JADE1: variants seen among roughly 807,000 people sequenced by gnomAD.
The protein encoded by JADE1 is jade family PHD finger 1, also known as protein Jade-1.
JADE1 carries 14 observed loss-of-function variants against 81.8 expected under a neutral mutation model. The ratio of observed to expected loss-of-function variants is 0.17; its 90% CI spans 0.11 to 0.27. The LOEUF (loss-of-function observed/expected upper bound fraction) is 0.27, where lower values mean the gene tolerates loss of function less well. Ranked by LOEUF, JADE1 falls within the 10% of genes least tolerant of loss-of-function variation. The probability of loss-of-function intolerance (pLI) is 1.00; values close to 1 mark genes in which losing one functional copy is unlikely to be tolerated. For synonymous variants in JADE1, 353 were observed against 391.9 expected (o/e 0.90, Z 1.17); for missense variants, 690 against 1,047.9 (o/e 0.66, Z 4.71).
intron 8 of JADE1, 90 bp downstream of exon 8, chr4:128,857,544 T>C: frequency 9.9e-7 from 1 of 1,005,110 alleles, no homozygotes; most frequent in East Asian, 2.4e-5. Context: ...TCCAAGGGTT[T>C]GGAGAGGGGA....
chr4:128,864,135 G>T (rs1016999955), intron 9 of JADE1: 16 of 978,616 alleles, frequency 1.6e-5, no homozygotes, highest in Non-Finnish European at 1.8e-5. Flanking sequence ...GAACTTTAAA[G>T]AATTTGTATT....
rs139707052 is a variant in JADE1 at position 128,871,829 on chromosome 4, G to T, written c.2096G>T (p.Arg699Ile). 6.2e-6 allele frequency: 10 copies of T among 1,614,076 alleles called. No individual in the cohort carries two copies. The highest frequency in any genetic ancestry group is 7.6e-6 in the Non-Finnish European group (9 of 1,179,978). ...TCCCAGAGGCATCTGGACAACACAAGAGCTGCCACCTCCCCTGGAGTGGGG... is the reference window on the plus strand; with the variant it reads ...TCCCAGAGGCATCTGGACAACACAATAGCTGCCACCTCCCCTGGAGTGGGG... ...DVSQRHLDNT[R>I]AATSPGVGQS... Residue 699 changes from arginine to isoleucine, a missense_variant, in exon 11 of 11, where the codon AGA becomes ATA. Arg to Ile is a moderately conservative substitution (Grantham distance 97). Around this residue, in one of 8 missense-constraint regions of JADE1, gnomAD observed 218 missense variants for 274.3 expected, o/e 0.79. Coordinates refer to ENST00000226319, the MANE Select transcript of JADE1 (RefSeq NM_199320.4). The surrounding 1 kb of genome is among the most constrained non-coding windows in gnomAD (Gnocchi z 4.1).
chr4:128,842,896 A>G, intron 2 of JADE1, 57 bp from the exon 3 acceptor site: 1 of 1,487,572 alleles, frequency 6.7e-7, no homozygotes, highest in South Asian at 1.1e-5. Context: ...ACCCCTGAGA[A>G]CACTCAGTGA....
Position 128,843,016 on chromosome 4 carries a change from A to C in JADE1, c.116A>C (p.His39Pro), listed in dbSNP as rs141704909. 26 of 1,613,930 alleles carry C rather than the reference A, an allele frequency of 1.6e-5. No individual in the cohort carries two copies. Among genetic ancestry groups the C allele is most frequent in the Non-Finnish European group, 2.1e-5 (25 of 1,179,920 alleles). Residue 39 changes from histidine to proline, a missense_variant, in exon 3 of 11, where the codon CAT becomes CCT. Physicochemically the swap from His to Pro is moderately conservative, Grantham distance 77 (BLOSUM62 -2). Around this residue, in one of 8 missense-constraint regions of JADE1, gnomAD observed 59 missense variants for 52.8 expected, o/e 1.12. Transcript: ENST00000226319. ...SQHRRSSCSR[H>P]EDRKPSEVFR... Reference sequence around the variant, plus strand: ...CATAGGAGAAGCTCCTGCTCCAGACATGAAGATCGAAAGCCTTCAGAGGTA... The same window carrying C: ...CATAGGAGAAGCTCCTGCTCCAGACCTGAAGATCGAAAGCCTTCAGAGGTA...
intron 4 of JADE1, among the ~76,000 whole-genome samples, chr4:128,847,625 C>T (rs1348673265): frequency 6.6e-6 from 1 of 152,222 alleles, no homozygotes; most frequent in Non-Finnish European, 1.5e-5. Context: ...GTCCAGGAAT[C>T]ACTTGCTGAA....
intron 9 of JADE1, chr4:128,863,613 T>C (rs1177154837): frequency 3.0e-6 from 3 of 985,442 alleles, no homozygotes; most frequent in East Asian, 1.1e-4. Flanking sequence ...ATTCCGGCCC[T>C]GGAAGAGGCA....
chr4:128,844,869 T>A (rs1729735905), intron 3 of JADE1, among the ~76,000 whole-genome samples: 1 of 152,116 alleles, frequency 6.6e-6, no homozygotes, highest in Non-Finnish European at 1.5e-5. Context: ...TGCCTCAGAC[T>A]TTATTATGGG....
intron 6 of JADE1, among the ~76,000 whole-genome samples, chr4:128,852,751 A>T (rs1415778315): frequency 2.6e-5 from 4 of 152,168 alleles, no homozygotes; most frequent in Non-Finnish European, 4.4e-5. Flanking sequence ...AAAAGTCCAG[A>T]ATTGAGGTGG....
chr4:128,847,613 C>T (rs1285238983), intron 4 of JADE1, among the ~76,000 whole-genome samples: 1 of 152,224 alleles, frequency 6.6e-6, no homozygotes, highest in Non-Finnish European at 1.5e-5. Flanking sequence ...CTGGCAGCCC[C>T]AGTCCAGGAA....
At chr4:128,855,545 A>G in intron 6 of JADE1, 85 bp from the exon 7 acceptor site, 1 of 1,312,164 alleles carries the variant, frequency 7.6e-7, no homozygotes, top group Non-Finnish European at 1.0e-6. Context: ...AAATCTTTCT[A>G]AGTGTTTAAA....
At chr4:128,841,611 A>T (rs915229651) in intron 2 of JADE1, among the ~76,000 whole-genome samples, 5 of 152,220 alleles carry the variant, frequency 3.3e-5, no homozygotes, top group Admixed American at 2.6e-4. Flanking sequence ...GAGTTGACAG[A>T]TCTAAGGAAT....
intron 1 of JADE1, among the ~76,000 whole-genome samples, chr4:128,817,746 A>G (rs181205566): frequency 6.6e-6 from 1 of 152,342 alleles, no homozygotes; most frequent in African/African-American, 2.4e-5. Flanking sequence ...AGTTGGGGAC[A>G]CTTGACACTG....
At chr4:128,834,362 A>G (rs911586830) in intron 2 of JADE1, among the ~76,000 whole-genome samples, 4 of 151,944 alleles carry the variant, frequency 2.6e-5, no homozygotes, top group African/African-American at 7.3e-5. Context: ...GTGTGACTAA[A>G]TTGGATTATG....
At chr4:128,830,128 G>A (rs1430913849) in intron 1 of JADE1, among the ~76,000 whole-genome samples, 2 of 150,238 alleles carry the variant, frequency 1.3e-5, no homozygotes, top group Non-Finnish European at 3.0e-5. Context: ...CTCCCACCTC[G>A]GCCTCCCAAA....
In JADE1 at chr4:128,821,362, T is replaced by C. The variant is rs1344069197; in HGVS notation, c.-26-10371T>C. ...GGGGGTGTGGAAAAGAATGACCTAA[T>C]TTGTCAACCATGCCTTGCCATAGGT... On this transcript the variant is annotated intron_variant, in intron 1 of 10. Coordinates refer to ENST00000226319, the MANE Select transcript of JADE1 (RefSeq NM_199320.4). Among the ~76,000 whole-genome samples, 15 of 152,298 alleles carry C rather than the reference T, an allele frequency of 9.8e-5. No individual in the cohort carries two copies. The East Asian group carries it at 2.7e-3, about 27-fold the overall frequency.
intron 1 of JADE1, among the ~76,000 whole-genome samples, chr4:128,830,290 G>A (rs1464429233): frequency 6.6e-6 from 1 of 151,792 alleles, no homozygotes; most frequent in Non-Finnish European, 1.5e-5. Flanking sequence ...CTGGAGTGCA[G>A]TGGTGTGATC....
intron 2 of JADE1, among the ~76,000 whole-genome samples, chr4:128,840,994 G>T (rs1386140148): frequency 6.6e-6 from 1 of 152,188 alleles, no homozygotes; most frequent in Non-Finnish European, 1.5e-5. Context: ...ATCCCATTTG[G>T]TCTTGGTCAT....
intron 2 of JADE1, among the ~76,000 whole-genome samples, chr4:128,834,195 G>C (rs1728784338): frequency 6.6e-6 from 1 of 152,156 alleles, no homozygotes; most frequent in Non-Finnish European, 1.5e-5. Context: ...GTAGTTTAAA[G>C]CTACAGAAAT....
chr4:128,862,869 G>C, intron 9 of JADE1: 1 of 988,456 alleles, frequency 1.0e-6, no homozygotes, highest in South Asian at 4.6e-5. Context: ...ACTCCTGGCA[G>C]TGAGGTGCTA....
Sources: allele counts gnomAD v4.1 joint callset (sites outside exome capture counted in the v4.1 genomes callset), GRCh38; gene constraint gnomAD v4.1.1; regional missense constraint gnomAD v4.1.1; non-coding constraint Gnocchi (gnomAD v3.1); transcripts MANE v1.5; gene names NCBI Gene and HGNC (gene_info 2026-07-23, HGNC 2026-07-21).